MYLK: variants seen among roughly 807,000 people sequenced by gnomAD.
MYLK encodes the protein myosin light chain kinase, smooth muscle.
MYLK carries 106 observed loss-of-function variants against 203.4 expected under a neutral mutation model. The observed-to-expected ratio is 0.52, with a 90% confidence interval of 0.45 to 0.61. The LOEUF is 0.61. MYLK is among the 20% of genes least tolerant of loss of function. MYLK has a pLI of 0.00. For missense variants in MYLK, 2,072 were observed against 2,442.3 expected, an observed-to-expected ratio of 0.85 and a Z score of 3.20; for synonymous variants, 867 against 959.5, an observed-to-expected ratio of 0.90 and a Z score of 1.78.
intron 3 of MYLK, among the ~76,000 whole-genome samples, chr3:123,794,958 T>C (rs1378545066): frequency 6.6e-6 from 1 of 152,166 alleles, no homozygotes; most frequent in Non-Finnish European, 1.5e-5. Flanking sequence ...GTCAGACAGG[T>C]GGAATAACTT....
intron 20 of MYLK, among the ~76,000 whole-genome samples, chr3:123,674,595 G>T (rs965586167): frequency 6.6e-6 from 1 of 152,336 alleles, no homozygotes; most frequent in South Asian, 2.1e-4. Flanking sequence ...CATTATGATT[G>T]CCTGGAAGAC....
At chr3:123,699,867 G>A (rs1017821683) in intron 18 of MYLK, among the ~76,000 whole-genome samples, 153 bp downstream of exon 18, 3 of 152,102 alleles carry the variant, frequency 2.0e-5, no homozygotes, top group Non-Finnish European at 2.9e-5. Flanking sequence ...ACAGGGACGC[G>A]GCCCTCCTAC....
intron 3 of MYLK, 189 bp from the exon 4 acceptor site, chr3:123,794,033 G>T (rs2064892527): frequency 1.5e-6 from 1 of 677,348 alleles, no homozygotes; most frequent in Non-Finnish European, 2.6e-6. Flanking sequence ...AAAGTGCCAG[G>T]ACAAGGCAGA....
chr3:123,643,309 A>C (rs1398612834), intron 27 of MYLK, among the ~76,000 whole-genome samples: 1 of 152,202 alleles, frequency 6.6e-6, no homozygotes, highest in Non-Finnish European at 1.5e-5. Flanking sequence ...CAAAATGTTT[A>C]CATTTAAATT....
rs1359935593 is a variant in MYLK, at chr3:123,692,402, T to A, written c.3565+333A>T. 8.3e-6 allele frequency: 10 copies of A among 1,200,048 alleles called. No homozygotes were observed. In the Admixed American group the frequency reaches 1.1e-4, roughly 13 times the overall value. The allele number at this position is 1,200,048 out of a possible 1,614,324, so 74.3% of individuals were successfully genotyped here. A position where few individuals can be genotyped will look rare whatever the true frequency, so the allele number is the denominator to read the frequency against. ...GTTGTGGCTTTTGTAAAATACTCTGTAGTCATTTTCCTGTGGGTGTGTCTT... is the reference window on the plus strand; with the variant it reads ...GTTGTGGCTTTTGTAAAATACTCTGAAGTCATTTTCCTGTGGGTGTGTCTT... On this transcript the variant is annotated intron_variant, in intron 19 of 33. Coordinates refer to ENST00000360304, the MANE Select transcript of MYLK (RefSeq NM_053025.4).
At chr3:123,820,624 TTCCTTCCTTCCTTCCTTCCC>T (rs1190168160) in intron 3 of MYLK, among the ~76,000 whole-genome samples, 11 of 138,164 alleles carry the variant, frequency 8.0e-5, no homozygotes, top group African/African-American at 2.3e-4. Context: ...CCTTCCTTCC[TTCCTTCCTTCCTTCCTTCCC>T]TCCTTCCTTC....
chr3:123,873,780 C>T (rs72974224), intron 2 of MYLK, among the ~76,000 whole-genome samples: 15,279 of 152,078 alleles, frequency 0.1, 1,196 homozygotes, highest in East Asian at 0.36. Flanking sequence ...TGCAAGTACA[C>T]ATTTTGCTGT....
At chr3:123,644,381 C>A (rs561907754) in intron 27 of MYLK, 1 of 152,360 alleles carries the variant, frequency 6.6e-6, no homozygotes, top group South Asian at 2.1e-4. Flanking sequence ...CAAGTGCAGG[C>A]AAATTTTCTG....
intron 29 of MYLK, among the ~76,000 whole-genome samples, chr3:123,633,682 C>T (rs1485537028): frequency 6.6e-6 from 1 of 152,152 alleles, no homozygotes; most frequent in Non-Finnish European, 1.5e-5. Context: ...ACACAATGGT[C>T]ATGAATGCAG....
intron 20 of MYLK, among the ~76,000 whole-genome samples, chr3:123,669,422 G>A (rs547615007): frequency 3.1e-5 from 1 of 32,060 alleles, no homozygotes; most frequent in African/African-American, 4.8e-5. Flanking sequence ...AAGAGGAAAG[G>A]CTTTTTTTTT....
chr3:123,784,830 G>A (rs1234978739), intron 4 of MYLK, among the ~76,000 whole-genome samples: 2 of 152,154 alleles, frequency 1.3e-5, no homozygotes, highest in Non-Finnish European at 2.9e-5. Context: ...CCTGAATGAG[G>A]GGGCGGACTG....
chr3:123,617,442 A>T (rs1266181406), intron 33 of MYLK: 1 of 152,238 alleles, frequency 6.6e-6, no homozygotes, highest in Non-Finnish European at 1.5e-5. Flanking sequence ...ACTTTCTTTT[A>T]ATTGAGTGAG....
Position 123,707,964 on chromosome 3 carries a change from G to A in MYLK, c.2180C>T (p.Pro727Leu), listed in dbSNP as rs773102138. 5.0e-6 allele frequency: 8 copies of A among 1,614,052 alleles called. No individual in the cohort carries two copies. In the South Asian group the frequency reaches 8.8e-5, roughly 18 times the overall value. ...DGTQPWFISKPRSVTASLGQS... is the reference protein window; with the variant it reads ...DGTQPWFISKLRSVTASLGQS... ...GCCCAGGGAGGCTGTCACTGAGCGA[G>A]GCTTACTGATGAACCAGGGCTGGGT... Residue 727 changes from proline (P) to leucine (L), a missense_variant, in exon 16 of 34, where the codon CCT becomes CTT. Coordinates refer to ENST00000360304, the MANE Select transcript of MYLK (RefSeq NM_053025.4).
chr3:123,825,098 T>C (rs1276077409), intron 3 of MYLK, among the ~76,000 whole-genome samples: 1 of 151,564 alleles, frequency 6.6e-6, no homozygotes, highest in African/African-American at 2.4e-5. Flanking sequence ...TGAGCTATAA[T>C]TGTGCTGTTG....
In MYLK at chr3:123,810,221, C is replaced by T. The variant is rs184259654; in HGVS notation, c.-3-16377G>A. On this transcript the variant is annotated intron_variant, in intron 3 of 33. Coordinates refer to ENST00000360304, the MANE Select transcript of MYLK (RefSeq NM_053025.4). ...TGACATAAGTGCTGTAGGTGAAACG[C>T]GGACATAGGCCCCTCCCCCAGACCT... is the stretch of plus-strand genomic sequence containing the variant. Among the ~76,000 whole-genome samples the T allele has an allele frequency of 6.3e-4, 96 of 152,296 alleles. 2 individuals carry two copies. In the South Asian group the frequency reaches 0.011, roughly 18 times the overall value.
In MYLK at chr3:123,692,364, C is replaced by G. The variant is rs77159964; in HGVS notation, c.3565+371G>C. 1.4e-5 allele frequency: 17 copies of G among 1,176,480 alleles called. No homozygotes were observed. In the African/African-American group the frequency reaches 2.7e-4, roughly 19 times the overall value. The allele number at this position is 1,176,480 out of a possible 1,614,324, so 72.9% of individuals were successfully genotyped here. ...ACCCTGCTGGGTCGTCCTGCCAGCT[C>G]GGACACTTGTTTGTTGTGGCTTTTG... On this transcript the variant is annotated intron_variant, in intron 19 of 33. Coordinates refer to ENST00000360304, the MANE Select transcript of MYLK (RefSeq NM_053025.4).
At chr3:123,852,059 G>A (rs552032034) in intron 2 of MYLK, among the ~76,000 whole-genome samples, 24 of 152,232 alleles carry the variant, frequency 1.6e-4, no homozygotes, top group South Asian at 1.0e-3. Context: ...ATTGATTTGC[G>A]TATGTTGAAC....
chr3:123,710,178 A>C (rs1259199248), intron 13 of MYLK, among the ~76,000 whole-genome samples: 1 of 152,152 alleles, frequency 6.6e-6, no homozygotes, highest in Non-Finnish European at 1.5e-5. Context: ...TTTCAGATAA[A>C]TGATACACTC....
At chr3:123,616,621 T>C (rs1429578068) in intron 33 of MYLK, 1 of 152,156 alleles carries the variant, frequency 6.6e-6, no homozygotes, top group Non-Finnish European at 1.5e-5. Context: ...ATCCCCAGTG[T>C]TGGAGGTGGG....
Sources: allele counts gnomAD v4.1 joint callset (sites outside exome capture counted in the v4.1 genomes callset), GRCh38; gene constraint gnomAD v4.1.1; transcripts MANE v1.5; gene names NCBI Gene and HGNC (gene_info 2026-07-23, HGNC 2026-07-21).